PLEKHA8: variants seen among roughly 807,000 people sequenced by gnomAD.
The protein encoded by PLEKHA8 is pleckstrin homology domain containing A8, also known as pleckstrin homology domain-containing family A member 8.
A neutral mutation model predicts 68.2 loss-of-function variants in PLEKHA8; 36 were observed. The observed-to-expected ratio is 0.53, with a 90% confidence interval of 0.40 to 0.70. The LOEUF is 0.70. Ranked by LOEUF, PLEKHA8 falls within the 30% of genes least tolerant of loss-of-function variation. The probability of loss-of-function intolerance (pLI) is 0.00; values close to 1 mark genes in which losing one functional copy is unlikely to be tolerated. For synonymous variants in PLEKHA8, 211 were observed against 216.1 expected, an observed-to-expected ratio of 0.98 and a Z score of 0.20; for missense variants, 505 against 615.4, an observed-to-expected ratio of 0.82 and a Z score of 1.90.
intron 12 of PLEKHA8, among the ~76,000 whole-genome samples, chr7:30,069,403 AT>A (rs1173783774): frequency 1.3e-5 from 2 of 152,210 alleles, no homozygotes; most frequent in Non-Finnish European, 2.9e-5. Flanking sequence ...CGTCTTCTCT[AT>A]AAGCCAAAAT....
chr7:30,080,967 G>A lies in PLEKHA8; in HGVS notation c.*2180G>A. 1 of 985,388 alleles carries A rather than the reference G, an allele frequency of 1.0e-6. No homozygotes were observed. Among genetic ancestry groups the A allele is most frequent in the South Asian group, 4.7e-5 (1 of 21,280 alleles). The allele number at this position is 985,388 out of a possible 1,614,324, so 61.0% of individuals were successfully genotyped here. A position where few individuals can be genotyped will look rare whatever the true frequency, so the allele number is the denominator to read the frequency against. ...GTGATCATTCTAAACAGCTGCTGGT[G>A]CTCCCTGTCACCTCAGGTGAACTCT... On this transcript the variant is annotated 3_prime_UTR_variant, in exon 14 of 14. Transcript: ENST00000449726.
chr7:30,115,806 A>ACGCATGCATGTATACATGCGTG (rs1219747928), intron 13 of PLEKHA8: 3 of 138,084 alleles, frequency 2.2e-5, no homozygotes, highest in Admixed American at 1.4e-4. Flanking sequence ...ACATGTATAC[A>ACGCATGCATGTATACATGCGTG]CGCATGCATG....
chr7:30,099,621 A>G (rs1479143546), intron 13 of PLEKHA8, among the ~76,000 whole-genome samples: 5 of 152,232 alleles, frequency 3.3e-5, no homozygotes, highest in Non-Finnish European at 7.3e-5. Context: ...GTAGAGCACT[A>G]CATCCAGGGA....
chr7:30,093,768 G>A (rs568215168), downstream of PLEKHA8, among the ~76,000 whole-genome samples: 11 of 152,294 alleles, frequency 7.2e-5, 1 homozygote, highest in Non-Finnish European at 1.3e-4. Flanking sequence ...GCTGCCTGCC[G>A]CATGCATGGG....
chr7:30,044,373 G>A (rs1791786242), intron 1 of PLEKHA8, among the ~76,000 whole-genome samples: 1 of 152,156 alleles, frequency 6.6e-6, no homozygotes, highest in African/African-American at 2.4e-5. Flanking sequence ...CAAATGAGTG[G>A]TTTGACTAGA....
rs571398562 is a variant in PLEKHA8, at chr7:30,116,813, C to G, written c.1363-12453C>G. On this transcript the variant is annotated intron_variant, in intron 13 of 13. Transcript: ENST00000396257. ...AACCTGGAATGTCTGAAGTCGTTCC[C>G]CAACACAGTTGCTAGAGATGGGCTG... Among the ~76,000 whole-genome samples the G allele has an allele frequency of 5.0e-4, 76 of 152,260 alleles. 1 individual carries two copies. The highest frequency in any genetic ancestry group is 1.8e-3 in the African/African-American group (74 of 41,550).
At chr7:30,086,834 T>C (rs541993346), downstream of PLEKHA8, among the ~76,000 whole-genome samples, 8 of 152,322 alleles carry the variant, frequency 5.3e-5, no homozygotes, top group South Asian at 1.7e-3. Flanking sequence ...TGAGCACATG[T>C]CCTGTGTGTG....
chr7:30,037,975 CA>C (rs1333545532), intron 1 of PLEKHA8, among the ~76,000 whole-genome samples: 1 of 152,060 alleles, frequency 6.6e-6, no homozygotes, highest in Non-Finnish European at 1.5e-5. Flanking sequence ...TAAAAATTCA[CA>C]ATATGTTAAA....
Position 30,083,278 on chromosome 7 carries a change from C to G in PLEKHA8, c.*4491C>G. ...AGAAGTACATTCTACTTCTGTATGT[C>G]CCTTTGTAATCCGCAGTTGCTTACT... On this transcript the variant is annotated 3_prime_UTR_variant, in exon 14 of 14. Coordinates refer to ENST00000449726, the MANE Select transcript of PLEKHA8 (RefSeq NM_001197026.2). 1 of 983,480 alleles carries G rather than the reference C, an allele frequency of 1.0e-6. No homozygotes were observed. Among genetic ancestry groups the G allele is most frequent in the Non-Finnish European group, 1.2e-6 (1 of 828,198 alleles). 60.9% of individuals were successfully genotyped at this position (983,480 alleles called of 1,614,324 possible).
At chr7:30,126,922 T>C (rs185105628) in intron 13 of PLEKHA8, among the ~76,000 whole-genome samples, 1 of 152,322 alleles carries the variant, frequency 6.6e-6, no homozygotes, top group East Asian at 1.9e-4. Context: ...CAATTCAAGA[T>C]GAGATTCGGG....
intron 12 of PLEKHA8, among the ~76,000 whole-genome samples, 172 bp downstream of exon 12, chr7:30,062,914 G>T (rs995600307): frequency 6.6e-6 from 1 of 152,134 alleles, no homozygotes; most frequent in African/African-American, 2.4e-5. Flanking sequence ...AAGTACCTAT[G>T]AGACAATGAC....
At chr7:30,057,200 C>G (rs1793064228) in intron 9 of PLEKHA8, among the ~76,000 whole-genome samples, 1 of 152,030 alleles carries the variant, frequency 6.6e-6, no homozygotes, top group Admixed American at 6.6e-5. Flanking sequence ...CCCTGTGTCA[C>G]TCAGCCTGAA....
chr7:30,100,766 G>A (rs117305130), intron 13 of PLEKHA8, among the ~76,000 whole-genome samples: 2,900 of 152,212 alleles, frequency 0.019, 44 homozygotes, highest in East Asian at 0.041. Flanking sequence ...ACAATAAAAG[G>A]TATACAGATT....
chr7:30,085,908 A>T (rs1795163447), downstream of PLEKHA8, among the ~76,000 whole-genome samples: 1 of 152,198 alleles, frequency 6.6e-6, no homozygotes, highest in South Asian at 2.1e-4. Flanking sequence ...ATCATGTAGT[A>T]GCCAGGGACA....
At chr7:30,087,548 A>G (rs1281250830), downstream of PLEKHA8, among the ~76,000 whole-genome samples, 4 of 152,136 alleles carry the variant, frequency 2.6e-5, no homozygotes, top group Non-Finnish European at 5.9e-5. Flanking sequence ...AGAAATTCAG[A>G]CACTCTGAAC....
intron 13 of PLEKHA8, among the ~76,000 whole-genome samples, chr7:30,114,879 G>C (rs1171021797): frequency 6.6e-6 from 1 of 152,080 alleles, no homozygotes; most frequent in Non-Finnish European, 1.5e-5. Flanking sequence ...CTCCAAATTT[G>C]AGGTAGAAAA....
At chr7:30,112,796 G>T (rs1458018425) in intron 13 of PLEKHA8, among the ~76,000 whole-genome samples, 1 of 151,956 alleles carries the variant, frequency 6.6e-6, no homozygotes, top group South Asian at 2.1e-4. Flanking sequence ...AGCTATTTGG[G>T]AGGCTGAGGA....
At chr7:30,112,221 G>GAA (rs1796295668) in intron 13 of PLEKHA8, among the ~76,000 whole-genome samples, 1 of 151,894 alleles carries the variant, frequency 6.6e-6, no homozygotes, top group South Asian at 2.1e-4. Flanking sequence ...GAAAGAGATG[G>GAA]AAAAAATGAG....
chr7:30,043,451 T>C (rs938372359), intron 1 of PLEKHA8, among the ~76,000 whole-genome samples: 2 of 152,184 alleles, frequency 1.3e-5, no homozygotes, highest in Admixed American at 6.5e-5. Context: ...ATATAAAATA[T>C]AATAAGAGCA....
Sources: allele counts gnomAD v4.1 joint callset (sites outside exome capture counted in the v4.1 genomes callset), GRCh38; gene constraint gnomAD v4.1.1; transcripts MANE v1.5; gene names NCBI Gene and HGNC (gene_info 2026-07-23, HGNC 2026-07-21).